Variants in CDH13 observed in about 807,000 individuals in gnomAD.
The protein encoded by CDH13 is cadherin 13, also known as cadherin-13.
CDH13 carries 24 observed loss-of-function variants against 63.8 expected under a neutral mutation model. The observed-to-expected ratio is 0.38, with a 90% confidence interval of 0.27 to 0.53. The LOEUF is 0.53. Among genes scored for constraint, CDH13 ranks in the 20% least tolerant of loss-of-function variants. The pLI, the probability that CDH13 is intolerant of heterozygous loss-of-function variation, is 0.85. For synonymous variants in CDH13, 503 were observed against 355.3 expected, an observed-to-expected ratio of 1.42 and a Z score of -4.67; for missense variants, 1,049 against 903.1, an observed-to-expected ratio of 1.16 and a Z score of -2.07.
rs534750998 is a variant in CDH13 at position 83,708,891 on chromosome 16, G to C, written c.1538+30430G>C. On this transcript the variant is annotated intron_variant, in intron 10 of 13. Coordinates refer to ENST00000567109, the MANE Select transcript of CDH13 (RefSeq NM_001257.5). ...ATACAAAAATTAGCTGAGTGTGGTG[G>C]CATACACCTGTAGTTTCTGCTACTC... Among the ~76,000 whole-genome samples the C allele has an allele frequency of 2.6e-5, 4 of 152,170 alleles. No homozygotes were observed. The South Asian group carries it at 8.3e-4, about 32-fold the overall frequency.
chr16:83,485,455 C>G (rs879353617), intron 6 of CDH13, among the ~76,000 whole-genome samples: 11 of 152,156 alleles, frequency 7.2e-5, no homozygotes, highest in Admixed American at 3.3e-4. Flanking sequence ...ATGACTCTTG[C>G]TTGTTTGTGA....
At chr16:82,865,186 T>C (rs913455248) in intron 2 of CDH13, among the ~76,000 whole-genome samples, 1 of 152,194 alleles carries the variant, frequency 6.6e-6, no homozygotes, top group Non-Finnish European at 1.5e-5. Flanking sequence ...CTGTAGCTTT[T>C]CCGGGAGGAC....
At chr16:83,588,435 A>T (rs79745453) in intron 7 of CDH13, among the ~76,000 whole-genome samples, 4,756 of 152,190 alleles carry the variant, frequency 0.031, 98 homozygotes, top group Middle Eastern at 0.054. Context: ...AGTTTGTGTG[A>T]TTTTTCCCCC....
At position 83,489,409 on chromosome 16, in the gene CDH13, T is replaced by C. The variant is rs188729821; in HGVS notation, c.960+2754T>C. On this transcript the variant is annotated intron_variant, in intron 7 of 13. Coordinates refer to ENST00000567109, the MANE Select transcript of CDH13 (RefSeq NM_001257.5). ...GAAAATGAATAAAGAGTGTCACTCT[T>C]CTGTGAGGGTTTCCAGAGTTCATTG... Among the ~76,000 whole-genome samples the C allele has an allele frequency of 4.4e-3, 664 of 152,316 alleles. 5 individuals carry two copies. The highest frequency in any genetic ancestry group is 9.9e-3 in the African/African-American group (412 of 41,574).
chr16:83,024,918 G>T (rs1219072993), intron 2 of CDH13, among the ~76,000 whole-genome samples: 1 of 152,176 alleles, frequency 6.6e-6, no homozygotes, highest in African/African-American at 2.4e-5. Flanking sequence ...GGGCAAGCCT[G>T]AATCAGAATC....
intron 2 of CDH13, among the ~76,000 whole-genome samples, chr16:82,934,366 G>C (rs777795344): frequency 3.9e-5 from 6 of 152,188 alleles, no homozygotes; most frequent in Non-Finnish European, 8.8e-5. Context: ...GGGACACAGA[G>C]CACTAAGTCC....
chr16:83,606,692 A>C (rs916022977), intron 8 of CDH13, among the ~76,000 whole-genome samples: 26 of 149,788 alleles, frequency 1.7e-4, no homozygotes, highest in African/African-American at 6.0e-4. Context: ...ACACCACTGC[A>C]CTCCAGCCTG....
intron 2 of CDH13, among the ~76,000 whole-genome samples, chr16:82,932,311 T>A (rs985877689): frequency 6.6e-6 from 1 of 152,216 alleles, no homozygotes; most frequent in African/African-American, 2.4e-5. Context: ...TGTATTTGTT[T>A]GTTTGCTTTG....
chr16:82,720,785 T>C lies in CDH13; in HGVS notation c.45+93648T>C, dbSNP rs16958344. On this transcript the variant is annotated intron_variant, in intron 1 of 13. Coordinates refer to ENST00000567109, the MANE Select transcript of CDH13 (RefSeq NM_001257.5). ...ATGATGGCCAGGTCTTCCTGCATTG[T>C]TGTTTGAGTCAGTCACAGTGAGTTG... is the stretch of plus-strand genomic sequence containing the variant. 4.7e-3 allele frequency among the ~76,000 whole-genome samples: 716 copies of C among 152,328 alleles called. 5 individuals carry two copies. The highest frequency in any genetic ancestry group is 0.016 in the African/African-American group (686 of 41,586).
chr16:82,842,626 C>A (rs527395680), intron 1 of CDH13, among the ~76,000 whole-genome samples: 79 of 152,040 alleles, frequency 5.2e-4, no homozygotes, highest in Non-Finnish European at 5.6e-4. Flanking sequence ...TCATGGAAGA[C>A]AATTTTCCCA....
At chr16:83,760,643 A>T (rs760598091) in intron 11 of CDH13, among the ~76,000 whole-genome samples, 2 of 152,232 alleles carry the variant, frequency 1.3e-5, no homozygotes, top group Non-Finnish European at 2.9e-5. Context: ...GGCGAAATTA[A>T]TCCTAGCCAG....
At chr16:82,630,192 G>A (rs1001616741) in intron 1 of CDH13, among the ~76,000 whole-genome samples, 1 of 152,160 alleles carries the variant, frequency 6.6e-6, no homozygotes, top group Non-Finnish European at 1.5e-5. Flanking sequence ...TTTTGGATGA[G>A]GAAAAGGACA....
intron 5 of CDH13, among the ~76,000 whole-genome samples, chr16:83,233,402 G>A (rs368999481): frequency 1.3e-5 from 2 of 152,204 alleles, no homozygotes; most frequent in Non-Finnish European, 2.9e-5. Flanking sequence ...CAACGAGTAG[G>A]TGGCTGTATT....
At chr16:82,830,496 C>T (rs1002407561) in intron 1 of CDH13, among the ~76,000 whole-genome samples, 4 of 152,080 alleles carry the variant, frequency 2.6e-5, no homozygotes, top group South Asian at 2.1e-4. Context: ...GGGAGTGATA[C>T]AGTGAAAGTA....
At chr16:83,544,401 C>T (rs897371464) in intron 7 of CDH13, among the ~76,000 whole-genome samples, 3 of 151,978 alleles carry the variant, frequency 2.0e-5, no homozygotes, top group Non-Finnish European at 4.4e-5. Flanking sequence ...ATAAACCCAT[C>T]GTAAGTTGAA....
At chr16:82,863,117 A>G (rs1031249573) in intron 2 of CDH13, among the ~76,000 whole-genome samples, 7 of 152,214 alleles carry the variant, frequency 4.6e-5, no homozygotes, top group African/African-American at 1.4e-4. Flanking sequence ...CTCTACAAAG[A>G]TCCTAACAAA....
chr16:83,208,262 G>A (rs1371903955), intron 4 of CDH13, among the ~76,000 whole-genome samples: 1 of 152,158 alleles, frequency 6.6e-6, no homozygotes, highest in Admixed American at 6.5e-5. Context: ...TGACCTAGAG[G>A]TTGAACATGG....
intron 10 of CDH13, among the ~76,000 whole-genome samples, chr16:83,694,378 C>T (rs1485829025): frequency 6.6e-6 from 1 of 152,166 alleles, no homozygotes; most frequent in African/African-American, 2.4e-5. Flanking sequence ...CAACACTGCA[C>T]AAAACAGGGT....
At chr16:83,619,135 T>C (rs1909569211) in intron 8 of CDH13, among the ~76,000 whole-genome samples, 2 of 152,324 alleles carry the variant, frequency 1.3e-5, no homozygotes, top group African/African-American at 4.8e-5. Context: ...AGTACATTCA[T>C]TCATTCATTC....
Sources: allele counts gnomAD v4.1 joint callset (sites outside exome capture counted in the v4.1 genomes callset), GRCh38; gene constraint gnomAD v4.1.1; transcripts MANE v1.5; gene names NCBI Gene and HGNC (gene_info 2026-07-23, HGNC 2026-07-21).